The following DPYD variants were observed in gnomAD, a reference collection of about 807,000 sequenced individuals.
The protein encoded by DPYD is dihydropyrimidine dehydrogenase, also known as dihydropyrimidine dehydrogenase [NADP(+)].
Under a neutral mutation model 116.2 loss-of-function variants are expected in DPYD, and 109 were observed. The observed-to-expected ratio is 0.94, with a 90% CI of 0.80 to 1.10. The LOEUF (loss-of-function observed/expected upper bound fraction) is 1.10, where lower values mean the gene tolerates loss of function less well. DPYD is among the 50% of genes least tolerant of loss of function. The pLI is 0.00. For missense variants in DPYD, 1,302 were observed against 1,254.5 expected, an observed-to-expected ratio of 1.04 and a Z score of -0.57; for synonymous variants, 440 against 432.0, an observed-to-expected ratio of 1.02 and a Z score of -0.23.
chr1:97,792,556 G>A (rs1300999884), intron 3 of DPYD, among the ~76,000 whole-genome samples: 1 of 151,982 alleles, frequency 6.6e-6, no homozygotes, highest in Non-Finnish European at 1.5e-5. Flanking sequence ...GGCCGCTACT[G>A]AGCTCTTTAG....
intron 2 of DPYD, among the ~76,000 whole-genome samples, chr1:97,829,773 C>T (rs554547562): frequency 3.2e-4 from 49 of 151,008 alleles, no homozygotes; most frequent in Non-Finnish European, 6.3e-4. Context: ...TTTAATTATA[C>T]TTTAAGTTCT....
At chr1:97,338,255 G>T (rs1399219780) in intron 16 of DPYD, among the ~76,000 whole-genome samples, 1 of 152,136 alleles carries the variant, frequency 6.6e-6, no homozygotes, top group Admixed American at 6.6e-5. Context: ...TTTACACTTG[G>T]TGGCAATATT....
At chr1:97,297,354 C>T (rs1666598218) in intron 18 of DPYD, among the ~76,000 whole-genome samples, 1 of 152,142 alleles carries the variant, frequency 6.6e-6, no homozygotes. Flanking sequence ...TTACTATGCC[C>T]CACACTTAAG....
At chr1:97,898,387 C>A (rs1673188025) in intron 1 of DPYD, among the ~76,000 whole-genome samples, 1 of 151,770 alleles carries the variant, frequency 6.6e-6, no homozygotes, top group South Asian at 2.1e-4. Context: ...TCTGTCTCTC[C>A]AATTGAAGGA....
chr1:97,676,721 A>G (rs904829367), intron 8 of DPYD, among the ~76,000 whole-genome samples: 8 of 152,202 alleles, frequency 5.3e-5, no homozygotes, highest in African/African-American at 1.9e-4. Flanking sequence ...GTTATATGGT[A>G]ATACAAAGGT....
At chr1:97,473,309 T>C (rs1250141836) in intron 13 of DPYD, among the ~76,000 whole-genome samples, 2 of 152,330 alleles carry the variant, frequency 1.3e-5, no homozygotes, top group East Asian at 1.9e-4. Flanking sequence ...TGTCAGGATT[T>C]CCTTCTTTTA....
intron 18 of DPYD, among the ~76,000 whole-genome samples, chr1:97,274,944 T>C (rs1664841672): frequency 1.3e-5 from 2 of 152,144 alleles, no homozygotes; most frequent in African/African-American, 4.8e-5. Flanking sequence ...ATGCATGGAA[T>C]CAGGGGTAAG....
chr1:97,636,084 G>A (rs1442978633), intron 8 of DPYD, among the ~76,000 whole-genome samples: 3 of 151,942 alleles, frequency 2.0e-5, no homozygotes, highest in Non-Finnish European at 4.4e-5. Context: ...GCCTCCCAAA[G>A]TGCTGGGATT....
At chr1:97,866,658 T>C (rs1671393679) in intron 2 of DPYD, among the ~76,000 whole-genome samples, 1 of 151,794 alleles carries the variant, frequency 6.6e-6, no homozygotes, top group African/African-American at 2.4e-5. Flanking sequence ...ATAAATTCTG[T>C]AGAGAAAATA....
At chr1:97,862,494 A>C (rs186314943) in intron 2 of DPYD, among the ~76,000 whole-genome samples, 2 of 152,064 alleles carry the variant, frequency 1.3e-5, no homozygotes, top group African/African-American at 2.4e-5. Flanking sequence ...TTTGGAGACT[A>C]TCCAACCTAA....
chr1:97,422,154 T>C (rs1254209491), intron 14 of DPYD, among the ~76,000 whole-genome samples: 2 of 152,074 alleles, frequency 1.3e-5, no homozygotes, highest in African/African-American at 4.8e-5. Flanking sequence ...TCAGCATTGG[T>C]TTTGGGAAGT....
At chr1:97,348,143 A>T (rs1669952579) in intron 16 of DPYD, among the ~76,000 whole-genome samples, 1 of 152,188 alleles carries the variant, frequency 6.6e-6, no homozygotes, top group Non-Finnish European at 1.5e-5. Context: ...ATCAACAAAC[A>T]GAAGAAAAAT....
intron 3 of DPYD, among the ~76,000 whole-genome samples, chr1:97,812,981 T>G (rs2101398641): frequency 6.6e-6 from 1 of 152,150 alleles, no homozygotes; most frequent in East Asian, 1.9e-4. Context: ...TAATCCCGAG[T>G]AAATATGAAA....
intron 8 of DPYD, among the ~76,000 whole-genome samples, chr1:97,659,563 A>T (rs1326235092): frequency 3.9e-5 from 6 of 152,140 alleles, no homozygotes; most frequent in Non-Finnish European, 8.8e-5. Flanking sequence ...ATACATGGCT[A>T]ATTAAGTCTT....
chr1:97,259,345 C>T (rs1663718984), intron 18 of DPYD, among the ~76,000 whole-genome samples: 1 of 152,032 alleles, frequency 6.6e-6, no homozygotes, highest in Admixed American at 6.6e-5. Flanking sequence ...CCTCTCTTAA[C>T]AGCAACCACA....
chr1:97,460,354 C>A (rs1313530357), intron 13 of DPYD, among the ~76,000 whole-genome samples: 3 of 152,074 alleles, frequency 2.0e-5, no homozygotes, highest in Admixed American at 6.6e-5. Context: ...CTTGGTGGAT[C>A]CCTAATCTAC....
chr1:97,429,643 C>A (rs1675063251), intron 14 of DPYD, among the ~76,000 whole-genome samples: 1 of 151,982 alleles, frequency 6.6e-6, no homozygotes, highest in Non-Finnish European at 1.5e-5. Context: ...GATAATGATA[C>A]CTCCTGTCTA....
At chr1:97,760,205 T>A (rs947106432) in intron 3 of DPYD, among the ~76,000 whole-genome samples, 3 of 152,172 alleles carry the variant, frequency 2.0e-5, no homozygotes, top group Non-Finnish European at 4.4e-5. Flanking sequence ...CTAGTCTGTA[T>A]TGGAACTCAG....
intron 13 of DPYD, among the ~76,000 whole-genome samples, chr1:97,467,217 G>A (rs1308903453): frequency 6.6e-6 from 1 of 152,184 alleles, no homozygotes; most frequent in African/African-American, 2.4e-5. Context: ...AGATAAGGGA[G>A]AACTAAGGGC....
Sources: gnomAD v4.1 joint callset for allele counts (sites outside exome capture counted in the v4.1 genomes callset) on GRCh38, gnomAD v4.1.1 for gene constraint, MANE v1.5 for transcripts, NCBI Gene and HGNC (gene_info 2026-07-23, HGNC 2026-07-21) for gene names.